SKIC3: variants seen among roughly 807,000 people sequenced by gnomAD.
SKIC3 encodes the protein superkiller complex protein 3.
At chr5:95,533,532 CA>C in the SKIC3 span, among the ~76,000 whole-genome samples, 1 of 152,116 alleles carries the variant, frequency 6.6e-6, no homozygotes, top group Non-Finnish European at 1.5e-5. Flanking sequence ...GAAATGTACC[CA>C]AACCTGAATT....
At chr5:95,466,785 T>C in the SKIC3 span, among the ~76,000 whole-genome samples, 5 of 152,192 alleles carry the variant, frequency 3.3e-5, no homozygotes, top group Middle Eastern at 3.2e-3. Context: ...AGAAAAGGAA[T>C]GAATAAGTAT....
the SKIC3 span, among the ~76,000 whole-genome samples, chr5:95,486,838 G>T: frequency 1.3e-5 from 2 of 152,160 alleles, no homozygotes; most frequent in African/African-American, 4.8e-5. Flanking sequence ...GTCCCAGAGG[G>T]TTGGTCCCAC....
chr5:95,530,002 A>G, the SKIC3 span: 4 of 1,539,586 alleles, frequency 2.6e-6, no homozygotes, highest in Non-Finnish European at 3.6e-6. Flanking sequence ...TTAGATAGAC[A>G]TTCCTTAAAG....
chr5:95,480,701 C>T, the SKIC3 span, among the ~76,000 whole-genome samples: 2 of 152,260 alleles, frequency 1.3e-5, no homozygotes, highest in East Asian at 3.9e-4. Context: ...ATGGTCACAG[C>T]AGCATTATTC....
At chr5:95,538,320 T>C in the SKIC3 span, among the ~76,000 whole-genome samples, 1 of 152,178 alleles carries the variant, frequency 6.6e-6, no homozygotes, top group Non-Finnish European at 1.5e-5. Flanking sequence ...CTCAATTTTT[T>C]CCACAATTGA....
the SKIC3 span, chr5:95,524,511 T>TC: frequency 1.9e-6 from 3 of 1,613,744 alleles, no homozygotes; most frequent in Non-Finnish European, 2.5e-6. Flanking sequence ...TCTTGTCTCT[T>TC]CACCCATGAA....
chr5:95,524,582 T>A, the SKIC3 span: 1 of 1,613,520 alleles, frequency 6.2e-7, no homozygotes, highest in Non-Finnish European at 8.5e-7. Flanking sequence ...TCTCAAGAGC[T>A]CTCTGAAAAC....
the SKIC3 span, among the ~76,000 whole-genome samples, chr5:95,553,761 G>T: frequency 3.9e-5 from 6 of 152,162 alleles, no homozygotes; most frequent in Non-Finnish European, 8.8e-5. Context: ...GTTTCACCAT[G>T]CTGGCCAGGC....
chr5:95,530,552 A>C, the SKIC3 span, among the ~76,000 whole-genome samples: 1 of 152,178 alleles, frequency 6.6e-6, no homozygotes, highest in East Asian at 1.9e-4. Flanking sequence ...CAAATGAAGG[A>C]GCCCTTGTCA....
chr5:95,504,693 TTC>T, the SKIC3 span, among the ~76,000 whole-genome samples: 34 of 152,190 alleles, frequency 2.2e-4, no homozygotes, highest in African/African-American at 7.5e-4. Context: ...CAAAATATTA[TTC>T]TTTTTTGTGT....
the SKIC3 span, among the ~76,000 whole-genome samples, chr5:95,511,820 T>C: frequency 6.6e-6 from 1 of 152,186 alleles, no homozygotes; most frequent in Non-Finnish European, 1.5e-5. Flanking sequence ...CTGTTGAGAA[T>C]TTTGGTAGCA....
the SKIC3 span, chr5:95,516,253 T>C: frequency 3.2e-6 from 4 of 1,242,510 alleles, no homozygotes; most frequent in African/African-American, 3.0e-5. Context: ...TAGATAACGA[T>C]GTGCAAAAAC....
the SKIC3 span, chr5:95,498,653 T>C: frequency 2.8e-6 from 4 of 1,441,820 alleles, no homozygotes; most frequent in Non-Finnish European, 3.8e-6. Context: ...TGAGACGGAG[T>C]CTCGCTCTGT....
chr5:95,482,318 G>A, the SKIC3 span, among the ~76,000 whole-genome samples: 1 of 152,272 alleles, frequency 6.6e-6, no homozygotes, highest in Admixed American at 6.5e-5. Context: ...AACTTCCTTA[G>A]TTCCTCTAAC....
chr5:95,524,145 A>G, the SKIC3 span, among the ~76,000 whole-genome samples: 6,924 of 152,306 alleles, frequency 0.045, 206 homozygotes, highest in East Asian at 0.11. Flanking sequence ...TAGATGTTAA[A>G]CATCTAAAAA....
At chr5:95,487,766 G>A in the SKIC3 span, among the ~76,000 whole-genome samples, 1 of 151,986 alleles carries the variant, frequency 6.6e-6, no homozygotes, top group Non-Finnish European at 1.5e-5. Context: ...AAGGACAAAG[G>A]AAACAAGAAA....
chr5:95,517,014 A>G, the SKIC3 span: 6 of 1,613,700 alleles, frequency 3.7e-6, no homozygotes, highest in African/African-American at 4.0e-5. Flanking sequence ...CCAAGGTCAC[A>G]CCATGTATTA....
chr5:95,475,466 C>T, the SKIC3 span, among the ~76,000 whole-genome samples: 6 of 152,220 alleles, frequency 3.9e-5, no homozygotes, highest in South Asian at 4.2e-4. Context: ...CCATGTAAGA[C>T]GTGCCTGCTT....
chr5:95,493,514 A>G, the SKIC3 span, among the ~76,000 whole-genome samples: 1 of 152,156 alleles, frequency 6.6e-6, no homozygotes, highest in Admixed American at 6.5e-5. Context: ...AAAACCTACC[A>G]ATATATATAT....
Sources: allele counts gnomAD v4.1 joint callset (sites outside exome capture counted in the v4.1 genomes callset), GRCh38; gene constraint gnomAD v4.1.1; transcripts MANE v1.5; gene names NCBI Gene and HGNC (gene_info 2026-07-23, HGNC 2026-07-21).